The following TET2 variants were observed in gnomAD, a reference collection of about 807,000 sequenced individuals.
TET2 encodes methylcytosine dioxygenase TET2.
TET2 carries 299 observed loss-of-function variants against 142.9 expected under a neutral mutation model. The ratio of observed to expected loss-of-function variants is 2.09; its 90% CI spans 1.90 to 2.30. The LOEUF (loss-of-function observed/expected upper bound fraction) is 2.30, where lower values mean the gene tolerates loss of function less well. TET2 is among the 30% of genes most tolerant of loss of function. TET2 has a pLI of 0.00. For synonymous variants in TET2, 819 were observed against 849.0 expected (o/e 0.96, Z 0.61); for missense variants, 2,418 against 2,378.0 (o/e 1.02, Z -0.35).
intron 1 of TET2, among the ~76,000 whole-genome samples, chr4:105,189,987 C>T (rs1426400202): frequency 6.6e-6 from 1 of 152,180 alleles, no homozygotes; most frequent in Non-Finnish European, 1.5e-5. Context: ...CTCAACAAGT[C>T]AGAATCTCTG....
At chr4:105,190,700 T>G in intron 2 of TET2, 195 bp downstream of exon 2, 4 of 481,768 alleles carry the variant, frequency 8.3e-6, no homozygotes, top group South Asian at 3.9e-5. Context: ...TACTGACTTA[T>G]GTATAGCTGT....
chr4:105,250,685 AAAGTCCTGCACTTTTTATTTTTTTT>A (rs1729829540), intron 6 of TET2, among the ~76,000 whole-genome samples: 1 of 152,094 alleles, frequency 6.6e-6, no homozygotes, highest in Non-Finnish European at 1.5e-5. Flanking sequence ...AAACATGTAC[AAAGTCCTGCACTTTTTATTTTTTTT>A]AAGACAGAGT....
intron 2 of TET2, among the ~76,000 whole-genome samples, chr4:105,216,060 A>C (rs1234804449): frequency 6.6e-6 from 1 of 152,146 alleles, no homozygotes; most frequent in Non-Finnish European, 1.5e-5. Flanking sequence ...TTCAGCTTCA[A>C]AATATTTTAT....
chr4:105,265,556 C>A (rs1466578437), intron 8 of TET2, among the ~76,000 whole-genome samples: 1 of 152,192 alleles, frequency 6.6e-6, no homozygotes, highest in African/African-American at 2.4e-5. Flanking sequence ...AAGCACACAT[C>A]TATGTTAAAG....
chr4:105,234,128 A>G lies in TET2; in HGVS notation c.186A>G (p.Gly62=). Reference sequence around the variant, plus strand: ...GGCACTCTTTCAAAAGTTATTATGGAATACCCTGTATGAAGGGAAGCCAGA... The same window carrying G: ...GGCACTCTTTCAAAAGTTATTATGGGATACCCTGTATGAAGGGAAGCCAGA... ...TKWHSFKSYY[G]IPCMKGSQNS... Residue 62 remains glycine, a synonymous_variant, in exon 3 of 11, where the codon GGA becomes GGG. Coordinates refer to ENST00000380013, the MANE Select transcript of TET2 (RefSeq NM_001127208.3). The G allele has an allele frequency of 6.2e-7, 1 of 1,614,200 alleles. No homozygotes were observed. Among genetic ancestry groups the G allele is most frequent in the East Asian group, 2.2e-5 (1 of 44,870 alleles).
chr4:105,269,521 A>G (rs1430902191), intron 8 of TET2, 89 bp from the exon 9 acceptor site: 1 of 1,350,778 alleles, frequency 7.4e-7, no homozygotes, highest in Non-Finnish European at 1.0e-6. Flanking sequence ...ACATTTTTTT[A>G]AAGTTCTAAA....
intron 6 of TET2, among the ~76,000 whole-genome samples, chr4:105,245,371 C>A (rs1246469844): frequency 6.6e-6 from 1 of 151,752 alleles, no homozygotes; most frequent in African/African-American, 2.4e-5. Context: ...CACTCTGTCA[C>A]CCAGGCTGGA....
rs868473983 is a variant in TET2 at position 105,209,077 on chromosome 4, A to G, written c.-47+18572A>G. Reference sequence around the variant, plus strand: ...TATATATATATATATATATATATATATATATATATATATATATATATGTTT... The same window carrying G: ...TATATATATATATATATATATATATGTATATATATATATATATATATGTTT... On this transcript the variant is annotated intron_variant, in intron 2 of 10. Coordinates refer to ENST00000380013, the MANE Select transcript of TET2 (RefSeq NM_001127208.3). 8.1e-3 allele frequency among the ~76,000 whole-genome samples: 863 copies of G among 107,108 alleles called. 36 individuals are homozygous for G. Among genetic ancestry groups the G allele is most frequent in the African/African-American group, 0.032 (766 of 24,026 alleles). 70.3% of individuals were successfully genotyped at this position (107,108 alleles called of 152,430 possible). A position where few individuals can be genotyped will look rare whatever the true frequency, so the allele number is the denominator to read the frequency against.
chr4:105,274,256 A>G (rs972353384), intron 10 of TET2, among the ~76,000 whole-genome samples: 1 of 152,164 alleles, frequency 6.6e-6, no homozygotes, highest in Non-Finnish European at 1.5e-5. Context: ...ATTTGTTCTT[A>G]ACTCATATGA....
chr4:105,213,040 A>T (rs2110552504), intron 2 of TET2, among the ~76,000 whole-genome samples: 1 of 152,238 alleles, frequency 6.6e-6, no homozygotes, highest in East Asian at 1.9e-4. Context: ...ACCCACCAAA[A>T]GACTCCATTG....
chr4:105,244,584 A>ATCTTTTT lies in TET2; in HGVS notation c.3803+807_3803+808insCTTTTTT, dbSNP rs1237638072. Reference sequence around the variant, plus strand: ...TGAATGTTCACGGTGCTACACAGAAATGTTTTTTTTTTTTTTTTTTTTTTT... The same window carrying ATCTTTTT: ...TGAATGTTCACGGTGCTACACAGAAATCTTTTTTGTTTTTTTTTTTTTTTTTTTTTTT... On this transcript the variant is annotated intron_variant, in intron 6 of 10. Coordinates refer to ENST00000380013, the MANE Select transcript of TET2 (RefSeq NM_001127208.3). Among the ~76,000 whole-genome samples, 720 of 116,672 alleles carry ATCTTTTT rather than the reference A, an allele frequency of 6.2e-3. 91 individuals are homozygous for ATCTTTTT. Among genetic ancestry groups the ATCTTTTT allele is most frequent in the African/African-American group, 0.018 (523 of 28,404 alleles). The allele number at this position is 116,672 out of a possible 152,430, so 76.5% of individuals were successfully genotyped here. A position where few individuals can be genotyped will look rare whatever the true frequency, so the allele number is the denominator to read the frequency against.
At chr4:105,271,669 C>A (rs530873203) in intron 9 of TET2, among the ~76,000 whole-genome samples, 94 of 152,270 alleles carry the variant, frequency 6.2e-4, no homozygotes, top group African/African-American at 2.2e-3. Flanking sequence ...TCAAGAATAT[C>A]TTCTAATTTT....
chr4:105,161,203 A>G (rs996286040), intron 1 of TET2, among the ~76,000 whole-genome samples: 4 of 152,250 alleles, frequency 2.6e-5, no homozygotes, highest in African/African-American at 9.6e-5. Flanking sequence ...AATTACCAAA[A>G]GAGTGACTTA....
At chr4:105,190,780 T>C in intron 2 of TET2, 1 of 347,338 alleles carries the variant, frequency 2.9e-6, no homozygotes, top group Middle Eastern at 8.1e-4. Context: ...GAGGTAAGGA[T>C]TATTCAAATG....
intron 1 of TET2, among the ~76,000 whole-genome samples, chr4:105,185,019 G>A (rs1193295617): frequency 2.0e-5 from 3 of 152,084 alleles, no homozygotes; most frequent in African/African-American, 4.8e-5. Context: ...TTTTTGTAAC[G>A]GAAGTGTTTG....
chr4:105,272,636 C>T lies in TET2; in HGVS notation c.4255C>T (p.Pro1419Ser). The T allele has an allele frequency of 1.3e-6, 2 of 1,551,536 alleles. No homozygotes were observed. The highest frequency in any genetic ancestry group is 1.7e-6 in the Non-Finnish European group (2 of 1,146,926). The change falls in exon 10 of 11, where the codon CCT becomes TCT. Residue 1419 changes from proline to serine, a missense_variant. By Grantham distance (74) the Pro-to-Ser change is moderately conservative. Transcript: ENST00000380013. ...TGAGGATGAGCAGCTTCACGTTCTG[C>T]CTTTATACAAAGTCTCTGACGTGGA... ...KPEDEQLHVL[P>S]LYKVSDVDEF...
intron 6 of TET2, among the ~76,000 whole-genome samples, chr4:105,244,156 G>A (rs1206943772): frequency 6.6e-6 from 1 of 152,184 alleles, no homozygotes; most frequent in Non-Finnish European, 1.5e-5. Context: ...CAGAAAGTAA[G>A]TCTAATGAGA....
intron 1 of TET2, among the ~76,000 whole-genome samples, chr4:105,157,579 C>T (rs557314257): frequency 1.3e-5 from 2 of 152,254 alleles, no homozygotes; most frequent in South Asian, 4.1e-4. Flanking sequence ...TGTTGGCTCA[C>T]CTTATTAATG....
chr4:105,194,687 A>T (rs1448902545), intron 2 of TET2, among the ~76,000 whole-genome samples: 1 of 152,182 alleles, frequency 6.6e-6, no homozygotes, highest in Non-Finnish European at 1.5e-5. Flanking sequence ...AATAGACCTT[A>T]GAGATCATAA....
Sources: allele counts gnomAD v4.1 joint callset (sites outside exome capture counted in the v4.1 genomes callset), GRCh38; gene constraint gnomAD v4.1.1; transcripts MANE v1.5; gene names NCBI Gene and HGNC (gene_info 2026-07-23, HGNC 2026-07-21).